HPSE2: variants seen among roughly 807,000 people sequenced by gnomAD.
HPSE2 encodes the protein inactive heparanase-2.
In HPSE2, 38 loss-of-function variants were observed where a neutral mutation model predicts 60.5. The ratio of observed to expected loss-of-function variants is 0.63; its 90% confidence interval spans 0.48 to 0.82. The LOEUF is 0.82. Ranked by LOEUF, HPSE2 falls within the 40% of genes least tolerant of loss-of-function variation. HPSE2 has a pLI of 0.00. For synonymous variants in HPSE2, 295 were observed against 293.2 expected (o/e 1.01, Z -0.06); for missense variants, 713 against 740.4 (o/e 0.96, Z 0.43).
chr10:98,571,656 C>T (rs986698487), intron 9 of HPSE2, among the ~76,000 whole-genome samples: 1 of 151,986 alleles, frequency 6.6e-6, no homozygotes, highest in Non-Finnish European at 1.5e-5. Context: ...ACTCCAATTT[C>T]AAAATTACAA....
At chr10:98,993,144 G>C (rs1274428469) in intron 3 of HPSE2, among the ~76,000 whole-genome samples, 3 of 152,160 alleles carry the variant, frequency 2.0e-5, no homozygotes, top group Non-Finnish European at 4.4e-5. Flanking sequence ...TGCTAAAATA[G>C]AGTAAATTAC....
intron 3 of HPSE2, among the ~76,000 whole-genome samples, chr10:98,764,380 T>C (rs978187767): frequency 1.6e-4 from 24 of 151,688 alleles, no homozygotes; most frequent in African/African-American, 5.8e-4. Flanking sequence ...TAAAAGCAAA[T>C]AAAAGACAAA....
intron 9 of HPSE2, among the ~76,000 whole-genome samples, chr10:98,578,154 G>GA (rs1204386835): frequency 3.9e-5 from 6 of 152,154 alleles, no homozygotes; most frequent in Admixed American, 6.5e-5. Flanking sequence ...GCATCCTTTG[G>GA]AAAAACTATG....
intron 3 of HPSE2, among the ~76,000 whole-genome samples, chr10:99,117,018 G>A (rs1029230561): frequency 4.6e-5 from 7 of 151,126 alleles, no homozygotes; most frequent in African/African-American, 7.3e-5. Flanking sequence ...GAAAGAAAGC[G>A]AAAAGAAAAA....
chr10:98,605,956 C>T (rs1945571699), intron 9 of HPSE2, among the ~76,000 whole-genome samples: 1 of 152,236 alleles, frequency 6.6e-6, no homozygotes, highest in Admixed American at 6.5e-5. Context: ...GTGAAGACCT[C>T]CTTAGCCACA....
At chr10:99,018,796 C>T (rs1483428201) in intron 3 of HPSE2, among the ~76,000 whole-genome samples, 1 of 152,048 alleles carries the variant, frequency 6.6e-6, no homozygotes, top group Non-Finnish European at 1.5e-5. Flanking sequence ...TTGCCCACTC[C>T]TCAAAGAGGT....
At chr10:99,179,265 G>A (rs533245062) in intron 2 of HPSE2, among the ~76,000 whole-genome samples, 6 of 152,120 alleles carry the variant, frequency 3.9e-5, no homozygotes, top group South Asian at 2.1e-4. Flanking sequence ...GGAAGTTTTC[G>A]CTAGGGCAAT....
At chr10:98,694,143 C>T (rs978599035) in intron 5 of HPSE2, among the ~76,000 whole-genome samples, 196 bp from the exon 6 acceptor site, 1 of 152,160 alleles carries the variant, frequency 6.6e-6, no homozygotes, top group Non-Finnish European at 1.5e-5. Flanking sequence ...AGTAACCATA[C>T]TTCCAGCTCC....
chr10:99,180,326 C>G (rs955549415), intron 2 of HPSE2, among the ~76,000 whole-genome samples: 1 of 152,122 alleles, frequency 6.6e-6, no homozygotes, highest in African/African-American at 2.4e-5. Flanking sequence ...AGGCAACCTA[C>G]AGCATGAGAG....
At chr10:98,754,305 T>C (rs543687326) in intron 3 of HPSE2, among the ~76,000 whole-genome samples, 28 of 151,668 alleles carry the variant, frequency 1.8e-4, no homozygotes, top group Non-Finnish European at 3.5e-4. Context: ...CAGACAAACA[T>C]AGGGAAAAAA....
intron 3 of HPSE2, among the ~76,000 whole-genome samples, chr10:98,836,011 G>A (rs796505708): frequency 7.2e-5 from 11 of 152,256 alleles, no homozygotes; most frequent in African/African-American, 1.9e-4. Flanking sequence ...TACAGCAATC[G>A]ATCAAAAGGG....
chr10:99,296,495 T>C, the HPSE2 span, among the ~76,000 whole-genome samples: 6 of 152,242 alleles, frequency 3.9e-5, no homozygotes, highest in Non-Finnish European at 7.3e-5. Flanking sequence ...GGCATAAATA[T>C]GACTGCAAAA....
intron 3 of HPSE2, among the ~76,000 whole-genome samples, chr10:98,960,880 ATCCCTCCCCCCTCCCCCGACCCCACC>A (rs1955660328): frequency 8.1e-6 from 1 of 124,160 alleles, no homozygotes; most frequent in Admixed American, 8.0e-5. Flanking sequence ...TCCCAATGCT[ATCCCTCCCCCCTCCCCCGACCCCACC>A]ACAGTCCCCA....
chr10:98,556,602 A>G (rs1335385379), intron 9 of HPSE2, among the ~76,000 whole-genome samples: 1 of 152,216 alleles, frequency 6.6e-6, no homozygotes, highest in Admixed American at 6.5e-5. Flanking sequence ...AAATATATCT[A>G]ATGAAAGTAG....
intron 9 of HPSE2, among the ~76,000 whole-genome samples, chr10:98,538,206 G>C (rs1415632066): frequency 1.3e-5 from 2 of 152,126 alleles, no homozygotes; most frequent in Admixed American, 1.3e-4. Context: ...GGGCCCAGCT[G>C]TTTTCTCTTT....
intron 3 of HPSE2, among the ~76,000 whole-genome samples, chr10:98,957,892 C>T (rs1332130056): frequency 1.3e-5 from 2 of 152,186 alleles, no homozygotes; most frequent in South Asian, 2.1e-4. Flanking sequence ...TCTTAACCTT[C>T]GTTTGCAATA....
intron 3 of HPSE2, among the ~76,000 whole-genome samples, chr10:98,803,318 T>G (rs1196982202): frequency 0.018 from 2,722 of 149,234 alleles, 136 homozygotes; most frequent in African/African-American, 0.066. Flanking sequence ...AGAAGCCCTT[T>G]AGTTTAATTA....
intron 2 of HPSE2, among the ~76,000 whole-genome samples, chr10:99,170,931 A>G (rs1037665778): frequency 1.3e-5 from 2 of 152,248 alleles, no homozygotes; most frequent in Admixed American, 6.5e-5. Flanking sequence ...AAATATTTAC[A>G]TAGTATTTAC....
intron 3 of HPSE2, chr10:99,013,353 T>A: frequency 1.7e-6 from 1 of 605,610 alleles, no homozygotes; most frequent in Non-Finnish European, 3.2e-6. Context: ...CCTCTCTCTG[T>A]CTGTACTGTT....
Sources: allele counts gnomAD v4.1 joint callset (sites outside exome capture counted in the v4.1 genomes callset), GRCh38; gene constraint gnomAD v4.1.1; transcripts MANE v1.5; gene names NCBI Gene and HGNC (gene_info 2026-07-23, HGNC 2026-07-21).